The following NEDD9 variants were observed in gnomAD, a reference collection of about 807,000 sequenced individuals.
NEDD9 encodes the protein neural precursor cell expressed, developmentally down-regulated 9, also known as enhancer of filamentation 1.
In NEDD9, 26 loss-of-function variants were observed where a neutral mutation model predicts 76.6. The observed-to-expected ratio is 0.34, with a 90% confidence interval of 0.25 to 0.47. NEDD9 has a LOEUF of 0.47. Ranked by LOEUF, NEDD9 falls within the 20% of genes least tolerant of loss-of-function variation. The pLI is 1.00. For synonymous variants in NEDD9, 392 were observed against 414.2 expected (o/e 0.95, Z 0.65); for missense variants, 937 against 1,058.5 (o/e 0.89, Z 1.59).
chr6:11,282,336 C>G (rs1416089892), intron 3 of NEDD9, among the ~76,000 whole-genome samples: 5 of 152,228 alleles, frequency 3.3e-5, no homozygotes, highest in Admixed American at 3.3e-4. Flanking sequence ...CTCTCACTGT[C>G]TTTTCTTGGA....
intron 2 of NEDD9, among the ~76,000 whole-genome samples, chr6:11,324,265 G>A (rs746471788): frequency 6.6e-6 from 1 of 152,134 alleles, no homozygotes; most frequent in Non-Finnish European, 1.5e-5. Flanking sequence ...TCCTGTCTCT[G>A]CCTGTCTCCT....
At position 11,213,589 on chromosome 6, in the gene NEDD9, GAC is replaced by G. The variant is rs1561791271; in HGVS notation, c.149_150del (p.Gly50AlafsTer102). 6.2e-7 allele frequency: 1 copy of G among 1,614,026 alleles called. No homozygotes were observed. Among genetic ancestry groups the G allele is most frequent in the Non-Finnish European group, 8.5e-7 (1 of 1,180,034 alleles). On this transcript the variant is annotated frameshift_variant, in exon 2 of 7. Coordinates refer to ENST00000379446, the MANE Select transcript of NEDD9 (RefSeq NM_006403.4). LOFTEE classifies it high-confidence loss of function. The surrounding 1 kb of genome is among the most constrained non-coding windows in gnomAD (Gnocchi z 5.4). ...CGGTTGCCTGGGACAATGCCTTGCC[GAC>G]CGTGTAATGAGCACAGCCACCATCC... ...LEGWWLCSLH[G>X]RQGIVPGNRV...
chr6:11,293,410 A>G (rs1168755055), intron 3 of NEDD9, among the ~76,000 whole-genome samples: 1 of 152,148 alleles, frequency 6.6e-6, no homozygotes, highest in Admixed American at 6.5e-5. Context: ...CGAGTTTTTA[A>G]TATGTTACCC....
intron 3 of NEDD9, among the ~76,000 whole-genome samples, chr6:11,244,261 ACACACACACACACACGTGTGTG>A (rs1161473575): frequency 1.3e-5 from 2 of 150,654 alleles, no homozygotes; most frequent in Admixed American, 6.6e-5. Flanking sequence ...CTTTCTCTTT[ACACACACACACACACGTGTGTG>A]CACGCACACA....
In NEDD9 at chr6:11,191,136, G is replaced by C. The variant is rs774051894; in HGVS notation, c.733C>G (p.Pro245Ala). The C allele has an allele frequency of 7.8e-5, 126 of 1,613,822 alleles. No individual in the cohort carries two copies. Among genetic ancestry groups the C allele is most frequent in the East Asian group, 2.7e-4 (12 of 44,850 alleles). ...GLREKDYDFP[P>A]PMRQAGRPDL... Reference sequence around the variant, plus strand: ...GGCCTTCCAGCTTGTCTCATGGGAGGGGGGAAGTCATAGTCTTTTTCCCTA... The same window carrying C: ...GGCCTTCCAGCTTGTCTCATGGGAGCGGGGAAGTCATAGTCTTTTTCCCTA... The change falls in exon 5 of 7, where the codon CCT (proline) becomes GCT (alanine). Residue 245 changes from proline to alanine, a missense_variant. Transcript: ENST00000379446.
At chr6:11,211,725 C>T (rs923155623) in intron 2 of NEDD9, among the ~76,000 whole-genome samples, 3 of 152,240 alleles carry the variant, frequency 2.0e-5, no homozygotes, top group Admixed American at 6.5e-5. Flanking sequence ...CTGTGCACCA[C>T]CCTTGAGGAA....
chr6:11,335,400 G>A (rs535081444), intron 1 of NEDD9, among the ~76,000 whole-genome samples: 1 of 152,288 alleles, frequency 6.6e-6, no homozygotes, highest in East Asian at 1.9e-4. Context: ...CATCTGAGAA[G>A]TCTGCTCAGC....
intron 3 of NEDD9, among the ~76,000 whole-genome samples, chr6:11,272,461 T>A (rs1187686432): frequency 6.6e-6 from 1 of 152,236 alleles, no homozygotes; most frequent in Non-Finnish European, 1.5e-5. Context: ...GGTCTAGATT[T>A]GCTTTTTACA....
At chr6:11,229,356 G>A (rs1461198666) in intron 1 of NEDD9, among the ~76,000 whole-genome samples, 1 of 152,222 alleles carries the variant, frequency 6.6e-6, no homozygotes, top group Non-Finnish European at 1.5e-5. Context: ...GCCAGGCCAA[G>A]GGGCCGCTGA....
At chr6:11,347,635 G>A (rs1021434376) in intron 1 of NEDD9, among the ~76,000 whole-genome samples, 2 of 152,148 alleles carry the variant, frequency 1.3e-5, no homozygotes, top group Non-Finnish European at 2.9e-5. Context: ...CTCAAGGCTT[G>A]TTCAACATGT....
intron 3 of NEDD9, among the ~76,000 whole-genome samples, chr6:11,287,974 G>A (rs1053206165): frequency 3.9e-5 from 6 of 152,190 alleles, no homozygotes; most frequent in African/African-American, 9.7e-5. Context: ...TGTCTATGGT[G>A]GGGTCCCGGG....
chr6:11,343,142 A>T (rs1485990839), intron 1 of NEDD9, among the ~76,000 whole-genome samples: 1 of 152,172 alleles, frequency 6.6e-6, no homozygotes, highest in Non-Finnish European at 1.5e-5. Flanking sequence ...TAAAAAAGGT[A>T]ACTTCGGCCC....
chr6:11,195,031 C>T (rs906638731), intron 2 of NEDD9, among the ~76,000 whole-genome samples: 8 of 152,208 alleles, frequency 5.3e-5, no homozygotes, highest in South Asian at 2.1e-4. Context: ...CCTAAGAAAC[C>T]GTCAACTTTT....
chr6:11,295,925 A>AC (rs990069856), intron 3 of NEDD9, among the ~76,000 whole-genome samples: 2 of 152,064 alleles, frequency 1.3e-5, no homozygotes, highest in Non-Finnish European at 2.9e-5. Flanking sequence ...TGTGACCCCC[A>AC]CCCCAAATTC....
At chr6:11,268,392 T>C (rs1369479839) in intron 3 of NEDD9, among the ~76,000 whole-genome samples, 1 of 152,004 alleles carries the variant, frequency 6.6e-6, no homozygotes, top group Non-Finnish European at 1.5e-5. Flanking sequence ...AACAGATATA[T>C]AGAATAAGAC....
At chr6:11,381,764 G>A (rs1461731240) in intron 1 of NEDD9, among the ~76,000 whole-genome samples, 1 of 152,186 alleles carries the variant, frequency 6.6e-6, no homozygotes, top group East Asian at 1.9e-4. Flanking sequence ...AAGAATAAGT[G>A]ACGGCCCACA....
At chr6:11,215,210 G>C (rs1179214666) in intron 1 of NEDD9, among the ~76,000 whole-genome samples, 1 of 152,166 alleles carries the variant, frequency 6.6e-6, no homozygotes, top group Non-Finnish European at 1.5e-5. Context: ...AAGAGATAAA[G>C]CCATAGAGGA....
intron 3 of NEDD9, among the ~76,000 whole-genome samples, chr6:11,256,001 G>GC (rs1462090583): frequency 6.6e-6 from 1 of 152,086 alleles, no homozygotes; most frequent in Non-Finnish European, 1.5e-5. Context: ...ACACCACTAG[G>GC]CCCCCATCAG....
At chr6:11,251,208 A>G (rs2113306085) in intron 3 of NEDD9, 1 of 152,336 alleles carries the variant, frequency 6.6e-6, no homozygotes, top group East Asian at 1.9e-4. Flanking sequence ...ACCCCATACT[A>G]ACATTTCAGG....
Sources: gnomAD v4.1 joint callset for allele counts (sites outside exome capture counted in the v4.1 genomes callset) on GRCh38, gnomAD v4.1.1 for gene constraint, Gnocchi (gnomAD v3.1) non-coding constraint, MANE v1.5 for transcripts, NCBI Gene and HGNC (gene_info 2026-07-23, HGNC 2026-07-21) for gene names.